Variants in RAB3IP observed in about 807,000 individuals in gnomAD.
RAB3IP encodes RAB3A interacting protein, also known as rab-3A-interacting protein.
In RAB3IP, 36 loss-of-function variants were observed where a neutral mutation model predicts 59.1. The ratio of observed to expected loss-of-function variants is 0.61; its 90% CI spans 0.47 to 0.80. RAB3IP has a LOEUF of 0.80. Among genes scored for constraint, RAB3IP ranks in the 30% least tolerant of loss-of-function variants. The pLI is 0.00. For missense variants in RAB3IP, 511 were observed against 536.0 expected, an observed-to-expected ratio of 0.95 and a Z score of 0.46; for synonymous variants, 207 against 191.2, an observed-to-expected ratio of 1.08 and a Z score of -0.68.
At chr12:69,811,305 T>C (rs1592631531) in intron 8 of RAB3IP, among the ~76,000 whole-genome samples, 1 of 151,946 alleles carries the variant, frequency 6.6e-6, no homozygotes, top group East Asian at 1.9e-4. Flanking sequence ...TCACCCAGGG[T>C]GATGAAATAA....
At position 69,822,452 on chromosome 12, in the gene RAB3IP, T is replaced by C. The variant is rs1388977821; in HGVS notation, c.*7006T>C. 1 of 147,746 alleles carries C rather than the reference T, an allele frequency of 6.8e-6. No individual in the cohort carries two copies. 9.2% of individuals were successfully genotyped at this position (147,746 alleles called of 1,614,324 possible). A position where few individuals can be genotyped will look rare whatever the true frequency, so the allele number is the denominator to read the frequency against. ...TCAATAGATACACTTAGAATGAATATGCATGGAATCAAATTACATTCAGAA... is the reference window on the plus strand; with the variant it reads ...TCAATAGATACACTTAGAATGAATACGCATGGAATCAAATTACATTCAGAA... On this transcript the variant is annotated 3_prime_UTR_variant, in exon 11 of 11. Transcript: ENST00000247833.
intron 8 of RAB3IP, among the ~76,000 whole-genome samples, chr12:69,805,999 A>G (rs934296879): frequency 6.6e-6 from 1 of 152,212 alleles, no homozygotes; most frequent in African/African-American, 2.4e-5. Context: ...TATCAGGATG[A>G]TGCTGGCCTC....
chr12:69,760,686 TGATA>T (rs1254786168), intron 3 of RAB3IP, among the ~76,000 whole-genome samples: 1 of 152,028 alleles, frequency 6.6e-6, no homozygotes, highest in African/African-American at 2.4e-5. Flanking sequence ...AATTTAAGAT[TGATA>T]ATTTTTTTTT....
At position 69,756,509 on chromosome 12, in the gene RAB3IP, T is replaced by C. The variant is rs200845086; in HGVS notation, c.356T>C (p.Leu119Ser). The C allele has an allele frequency of 1.9e-6, 3 of 1,614,162 alleles. No individual in the cohort carries two copies. The highest frequency in any genetic ancestry group is 1.3e-5 in the African/African-American group (1 of 75,050). ...KDNYNAEREF[L>S]QGATITEACD... ...AACTATAATGCAGAGAGAGAGTTTT[T>C]ACAGGGTGCTACTATAACAGAGGCT... The change falls in exon 3 of 11, where the codon TTA becomes TCA. Residue 119 changes from leucine (L) to serine (S), a missense_variant. Coordinates refer to ENST00000247833, the MANE Select transcript of RAB3IP (RefSeq NM_022456.5).
intron 8 of RAB3IP, among the ~76,000 whole-genome samples, chr12:69,806,426 G>T (rs1879280405): frequency 6.6e-6 from 1 of 151,864 alleles, no homozygotes; most frequent in Non-Finnish European, 1.5e-5. Context: ...TATCAGTTTT[G>T]TTGATCTTTT....
chr12:69,797,894 G>T (rs1013967429), intron 6 of RAB3IP, among the ~76,000 whole-genome samples: 1 of 152,108 alleles, frequency 6.6e-6, no homozygotes, highest in African/African-American at 2.4e-5. Context: ...TGGTGTATAT[G>T]TGCCACATTT....
intron 3 of RAB3IP, among the ~76,000 whole-genome samples, chr12:69,767,552 C>T (rs1429280605): frequency 1.3e-5 from 2 of 152,222 alleles, no homozygotes; most frequent in African/African-American, 4.8e-5. Context: ...TGTGCCTAGG[C>T]ATGGAGCTGG....
chr12:69,803,612 G>A lies in RAB3IP; in HGVS notation c.1130+1891G>A, dbSNP rs1340795353. Among the ~76,000 whole-genome samples the A allele has an allele frequency of 2.0e-5, 3 of 151,750 alleles. No homozygotes were observed. The East Asian group carries it at 5.8e-4, about 29-fold the overall frequency. On this transcript the variant is annotated intron_variant, in intron 8 of 10. Coordinates refer to ENST00000247833, the MANE Select transcript of RAB3IP (RefSeq NM_022456.5). ...GCTGCACCCATTAACTCATCATTTA[G>A]CATTAGGTATATCTCCTAATGCTAT...
rs1303222574 is a variant in RAB3IP, at chr12:69,795,187, T to C, written c.731T>C (p.Leu244Ser). ...AEVAALKTLV[L>S]SSSPTSPTQE... ...GTAGCTGCATTGAAGACACTTGTATTGTCCAGTTCTCCAACATCACCTACG... is the reference window on the plus strand; with the variant it reads ...GTAGCTGCATTGAAGACACTTGTATCGTCCAGTTCTCCAACATCACCTACG... The change falls in exon 6 of 11, where the codon TTG becomes TCG. Residue 244 changes from leucine (L) to serine (S), a missense_variant. Leu to Ser is a moderately radical substitution (Grantham distance 145). Coordinates refer to ENST00000247833, the MANE Select transcript of RAB3IP (RefSeq NM_022456.5). 1 of 1,614,096 alleles carries C rather than the reference T, an allele frequency of 6.2e-7. No homozygotes were observed. The highest frequency in any genetic ancestry group is 1.1e-5 in the South Asian group (1 of 91,082).
At chr12:69,739,798 G>A in intron 1 of RAB3IP, 2 of 1,612,530 alleles carry the variant, frequency 1.2e-6, no homozygotes, top group Non-Finnish European at 1.7e-6. Flanking sequence ...GGCTCCAGAA[G>A]TGATGATGCT....
chr12:69,738,969 C>A lies in RAB3IP; in HGVS notation c.-88C>A, dbSNP rs1156778549. On this transcript the variant is annotated 5_prime_UTR_variant, in exon 1 of 11. Transcript: ENST00000247833. ...TCCTCCGTTTCTCGCTGCTTCGGGA[C>A]GCGCTCTCTGCGGCTCTGTGAGCGC... 4 of 152,160 alleles carry A rather than the reference C, an allele frequency of 2.6e-5. No homozygotes were observed. The highest frequency in any genetic ancestry group is 2.0e-4 in the Admixed American group (3 of 15,268). The allele number at this position is 152,160 out of a possible 1,614,324, so 9.4% of individuals were successfully genotyped here. A position where few individuals can be genotyped will look rare whatever the true frequency, so the allele number is the denominator to read the frequency against.
chr12:69,791,968 A>ATAC (rs1876698840), intron 4 of RAB3IP, among the ~76,000 whole-genome samples: 1 of 152,202 alleles, frequency 6.6e-6, no homozygotes, highest in African/African-American at 2.4e-5. Context: ...GTGTATATGA[A>ATAC]TACTACTCAG....
At chr12:69,800,144 TG>T (rs1555227162) in intron 6 of RAB3IP, 64 bp from the exon 7 acceptor site, 1 of 1,327,434 alleles carries the variant, frequency 7.5e-7, no homozygotes, top group Non-Finnish European at 9.9e-7. Context: ...GTTTTGGTTT[TG>T]TAAAGCGGTT....
intron 8 of RAB3IP, chr12:69,812,003 C>G (rs1352286313): frequency 6.6e-6 from 1 of 152,144 alleles, no homozygotes; most frequent in Non-Finnish European, 1.5e-5. Flanking sequence ...AGCTGGGCTG[C>G]TGCAAGTCCG....
intron 1 of RAB3IP, chr12:69,739,922 G>C (rs1374399932): frequency 6.3e-7 from 1 of 1,579,892 alleles, no homozygotes; most frequent in African/African-American, 1.3e-5. Context: ...ATTACTGAGA[G>C]GCAATTTAGT....
chr12:69,795,080 T>C (rs1877227399), intron 5 of RAB3IP, 61 bp from the exon 6 acceptor site: 20 of 1,232,356 alleles, frequency 1.6e-5, no homozygotes, highest in Non-Finnish European at 2.3e-5. Context: ...ATTGCTAATA[T>C]TTAGCTGCAT....
At chr12:69,765,222 C>T (rs567370355) in intron 3 of RAB3IP, among the ~76,000 whole-genome samples, 3 of 152,202 alleles carry the variant, frequency 2.0e-5, no homozygotes, top group Admixed American at 2.0e-4. Context: ...TGTTCCAGTT[C>T]TTGGGGAAGC....
intron 8 of RAB3IP, among the ~76,000 whole-genome samples, chr12:69,811,718 T>C (rs193197366): frequency 6.8e-4 from 104 of 152,310 alleles, no homozygotes; most frequent in Non-Finnish European, 1.1e-3. Flanking sequence ...AAGAAATATC[T>C]ATTTGAAAAA....
intron 1 of RAB3IP, among the ~76,000 whole-genome samples, chr12:69,743,068 A>G (rs1205728535): frequency 1.3e-5 from 2 of 152,240 alleles, no homozygotes; most frequent in Non-Finnish European, 2.9e-5. Context: ...GGGTATGGAT[A>G]CATACACAAA....
Sources: allele counts gnomAD v4.1 joint callset (sites outside exome capture counted in the v4.1 genomes callset), GRCh38; gene constraint gnomAD v4.1.1; transcripts MANE v1.5; gene names NCBI Gene and HGNC (gene_info 2026-07-23, HGNC 2026-07-21).